Variants in ADAM17 observed in about 807,000 individuals in gnomAD.
ADAM17 encodes the protein disintegrin and metalloproteinase domain-containing protein 17.
In ADAM17, 39 loss-of-function variants were observed where a neutral mutation model predicts 96.7. The observed-to-expected ratio is 0.40, with a 90% confidence interval of 0.31 to 0.53. The LOEUF (loss-of-function observed/expected upper bound fraction) is 0.53. Ranked by LOEUF, ADAM17 falls within the 20% of genes least tolerant of loss-of-function variation. The probability of loss-of-function intolerance (pLI) is 0.44; values close to 1 mark genes in which losing one functional copy is unlikely to be tolerated. For synonymous variants in ADAM17, 344 were observed against 359.2 expected, an observed-to-expected ratio of 0.96 and a Z score of 0.48; for missense variants, 777 against 1,013.2, an observed-to-expected ratio of 0.77 and a Z score of 3.17.
At chr2:9,538,771 T>C (rs1297542560) in intron 2 of ADAM17, among the ~76,000 whole-genome samples, 2 of 152,230 alleles carry the variant, frequency 1.3e-5, no homozygotes, top group East Asian at 1.9e-4. Context: ...TCAAAATTTC[T>C]TTTACTTTAT....
At chr2:9,522,376 G>A in intron 7 of ADAM17, 2 of 557,352 alleles carry the variant, frequency 3.6e-6, no homozygotes, top group Non-Finnish European at 6.6e-6. Context: ...CAATAAACAG[G>A]CTGCAGAGAC....
intron 4 of ADAM17, among the ~76,000 whole-genome samples, chr2:9,533,640 T>C (rs1302916057): frequency 2.0e-5 from 3 of 152,240 alleles, no homozygotes; most frequent in East Asian, 1.9e-4. Context: ...CTATTTTCTC[T>C]TTCTGAGCTC....
chr2:9,548,802 A>G (rs776319651), intron 1 of ADAM17, among the ~76,000 whole-genome samples: 6 of 152,182 alleles, frequency 3.9e-5, no homozygotes, highest in Admixed American at 6.6e-5. Flanking sequence ...AGTAGCCAAT[A>G]CTTTGTTCCT....
intron 5 of ADAM17, 113 bp downstream of exon 5, chr2:9,527,673 A>T: frequency 1.4e-6 from 1 of 720,816 alleles, no homozygotes; most frequent in Non-Finnish European, 2.0e-6. Context: ...TTTCATGCCA[A>T]ATACTATAGT....
chr2:9,535,961 C>A lies in ADAM17; in HGVS notation c.362-39G>T, dbSNP rs369004455. On this transcript the variant is annotated intron_variant, in intron 3 of 18. Transcript: ENST00000310823. ...AAAAATTATTATTTAAAAATACTTA[C>A]ATCAAATAAGAAACTATGCATTACT... The A allele has an allele frequency of 3.7e-6, 5 of 1,345,502 alleles. No individual in the cohort carries two copies. The South Asian group carries it at 5.9e-5, about 16-fold the overall frequency. 83.3% of individuals were successfully genotyped at this position (1,345,502 alleles called of 1,614,324 possible).
At chr2:9,493,017 G>A (rs1213777784) in intron 16 of ADAM17, 31 bp from the exon 17 acceptor site, 4 of 1,541,008 alleles carry the variant, frequency 2.6e-6, no homozygotes, top group Non-Finnish European at 1.8e-6. Context: ...TTAATGTCTT[G>A]ACCAAGTACT....
chr2:9,502,170 A>C lies in ADAM17; in HGVS notation c.1648+3T>G, dbSNP rs1663041969. The stretch of plus-strand genomic sequence containing the variant: ...ATTCCAAGGAAGCAACAAGAACACG[A>C]ACCTGTGCAGTAGGACACGCCTTTG... On this transcript the variant is annotated splice_donor_region_variant and intron_variant, in intron 13 of 18. Coordinates refer to ENST00000310823, the MANE Select transcript of ADAM17 (RefSeq NM_003183.6). The C allele has an allele frequency of 6.2e-7, 1 of 1,613,034 alleles. No homozygotes were observed. The highest frequency in any genetic ancestry group is 1.3e-5 in the African/African-American group (1 of 74,858).
chr2:9,547,338 C>T (rs779008173), intron 1 of ADAM17, among the ~76,000 whole-genome samples: 1 of 152,130 alleles, frequency 6.6e-6, no homozygotes, highest in Non-Finnish European at 1.5e-5. Context: ...AAACAGACTT[C>T]CAGTATTGTG....
intron 4 of ADAM17, among the ~76,000 whole-genome samples, chr2:9,530,721 G>A (rs1664702197): frequency 6.6e-6 from 1 of 152,124 alleles, no homozygotes; most frequent in Admixed American, 6.5e-5. Flanking sequence ...TCTCAGGTAT[G>A]TTACTTTTAT....
At chr2:9,526,583 G>C (rs1664539998) in intron 5 of ADAM17, among the ~76,000 whole-genome samples, 1 of 152,190 alleles carries the variant, frequency 6.6e-6, no homozygotes, top group South Asian at 2.1e-4. Context: ...ATCACCTGAG[G>C]ACGGGAGTTC....
intron 7 of ADAM17, among the ~76,000 whole-genome samples, chr2:9,522,746 CTAT>C (rs1411470750): frequency 9.2e-5 from 14 of 152,196 alleles, no homozygotes; most frequent in East Asian, 3.9e-4. Flanking sequence ...TTAATATGAG[CTAT>C]TATTAAGATG....
chr2:9,537,357 A>G (rs747125798), intron 2 of ADAM17, among the ~76,000 whole-genome samples: 1 of 152,190 alleles, frequency 6.6e-6, no homozygotes, highest in Non-Finnish European at 1.5e-5. Flanking sequence ...ACCCTGTACT[A>G]TGCTGTCTCT....
intron 6 of ADAM17, among the ~76,000 whole-genome samples, chr2:9,525,501 G>A (rs1479919401): frequency 6.6e-6 from 1 of 152,058 alleles, no homozygotes; most frequent in East Asian, 1.9e-4. Context: ...TAATCATGAC[G>A]AATGAAGTCA....
Position 9,555,499 on chromosome 2 carries a change from G to C in ADAM17, c.97+10C>G. 6.3e-7 allele frequency: 1 copy of C among 1,583,556 alleles called. No homozygotes were observed. Among genetic ancestry groups the C allele is most frequent in the Admixed American group, 1.8e-5 (1 of 55,326 alleles). ...GGCGCCGGCCTAAGCCAACTCCCCT[G>C]GGTCTTTACCGAGTCTCTGGTGGGG... is the stretch of plus-strand genomic sequence containing the variant. On this transcript the variant is annotated intron_variant, in intron 1 of 18. Coordinates refer to ENST00000310823, the MANE Select transcript of ADAM17 (RefSeq NM_003183.6).
chr2:9,532,740 A>T (rs1054777807), intron 4 of ADAM17, among the ~76,000 whole-genome samples: 1 of 147,352 alleles, frequency 6.8e-6, no homozygotes, highest in African/African-American at 2.5e-5. Context: ...CACCCGCCTC[A>T]GCCTCCCAAA....
At chr2:9,529,586 G>C (rs1277986274) in intron 4 of ADAM17, among the ~76,000 whole-genome samples, 3 of 152,118 alleles carry the variant, frequency 2.0e-5, no homozygotes, top group Admixed American at 6.6e-5. Context: ...AGGGAGGAAG[G>C]GGGAAGTATG....
intron 13 of ADAM17, among the ~76,000 whole-genome samples, chr2:9,499,110 CTT>C: frequency 7.2e-6 from 1 of 138,726 alleles, no homozygotes; most frequent in Non-Finnish European, 1.5e-5. Context: ...TTTCTTTCTT[CTT>C]CTTTTTTTTT....
intron 11 of ADAM17, 152 bp downstream of exon 11, chr2:9,509,827 A>G (rs1381168955): frequency 4.9e-6 from 5 of 1,021,350 alleles, no homozygotes; most frequent in Non-Finnish European, 7.1e-6. Context: ...GCTTCACCCC[A>G]AAACACACAA....
chr2:9,550,566 C>G (rs952954324), intron 1 of ADAM17, among the ~76,000 whole-genome samples: 1 of 150,450 alleles, frequency 6.6e-6, no homozygotes, highest in Non-Finnish European at 1.5e-5. Context: ...CTGCCTCAGT[C>G]TCCCCAGTAG....
Sources: allele counts gnomAD v4.1 joint callset (sites outside exome capture counted in the v4.1 genomes callset), GRCh38; gene constraint gnomAD v4.1.1; transcripts MANE v1.5; gene names NCBI Gene and HGNC (gene_info 2026-07-23, HGNC 2026-07-21).